Variants in SGCZ observed in about 807,000 individuals in gnomAD.
SGCZ encodes sarcoglycan zeta.
SGCZ carries 40 observed loss-of-function variants against 41.3 expected under a neutral mutation model. The ratio of observed to expected loss-of-function variants is 0.97; its 90% CI spans 0.75 to 1.26. The LOEUF is 1.26. Among genes scored for constraint, SGCZ ranks in the 50% most tolerant of loss-of-function variants. The pLI, the probability that SGCZ is intolerant of heterozygous loss-of-function variation, is 0.00. For missense variants in SGCZ, 552 were observed against 369.8 expected (o/e 1.49, Z -4.04); for synonymous variants, 206 against 137.5 (o/e 1.50, Z -3.49).
chr8:14,428,884 A>T (rs1799865144), intron 2 of SGCZ, among the ~76,000 whole-genome samples: 1 of 152,224 alleles, frequency 6.6e-6, no homozygotes, highest in Admixed American at 6.5e-5. Context: ...AATGTTTACA[A>T]AGCTCACAAC....
intron 1 of SGCZ, among the ~76,000 whole-genome samples, chr8:14,947,119 C>T (rs747080890): frequency 9.9e-5 from 15 of 152,148 alleles, no homozygotes; most frequent in Non-Finnish European, 1.9e-4. Flanking sequence ...TTTAATCCAA[C>T]TTTGAAAAGC....
chr8:14,316,812 GACACAC>G (rs55956388), intron 3 of SGCZ, among the ~76,000 whole-genome samples: 43,356 of 142,290 alleles, frequency 0.3, 6,549 homozygotes, highest in South Asian at 0.47. Context: ...ATTTATTATA[GACACAC>G]ACACACACAC....
chr8:14,830,035 C>T (rs768316342), intron 1 of SGCZ, among the ~76,000 whole-genome samples: 2 of 152,108 alleles, frequency 1.3e-5, no homozygotes, highest in Non-Finnish European at 2.9e-5. Flanking sequence ...GGGTCTCGAT[C>T]GCCTGACCTC....
chr8:15,161,231 C>T (rs76267920), intron 1 of SGCZ, among the ~76,000 whole-genome samples: 2 of 151,984 alleles, frequency 1.3e-5, no homozygotes, highest in African/African-American at 4.8e-5. Context: ...GGACTTTAAA[C>T]GCTCTCCCCC....
intron 1 of SGCZ, among the ~76,000 whole-genome samples, chr8:14,574,834 G>C (rs1160569158): frequency 6.6e-6 from 1 of 152,072 alleles, no homozygotes; most frequent in Non-Finnish European, 1.5e-5. Context: ...GAAAAAGCAA[G>C]AAAACAGGAA....
intron 1 of SGCZ, among the ~76,000 whole-genome samples, chr8:15,053,369 CCTGA>C (rs950860849): frequency 2.0e-4 from 30 of 152,072 alleles, no homozygotes; most frequent in African/African-American, 6.0e-4. Flanking sequence ...AGCCTTTCTG[CCTGA>C]CTTAGTTTCC....
At chr8:15,059,982 A>T (rs1804857961) in intron 1 of SGCZ, among the ~76,000 whole-genome samples, 1 of 152,190 alleles carries the variant, frequency 6.6e-6, no homozygotes, top group Non-Finnish European at 1.5e-5. Flanking sequence ...ACAGGAAATG[A>T]CAAGCATTCA....
chr8:14,197,048 G>A (rs1805288102), intron 4 of SGCZ, among the ~76,000 whole-genome samples: 1 of 152,030 alleles, frequency 6.6e-6, no homozygotes, highest in South Asian at 2.1e-4. Flanking sequence ...TTGCACAACT[G>A]TAAATTTGCT....
At chr8:14,624,229 A>G (rs6980571) in intron 1 of SGCZ, among the ~76,000 whole-genome samples, 168 of 152,224 alleles carry the variant, frequency 1.1e-3, no homozygotes, top group African/African-American at 3.8e-3. Flanking sequence ...TAACAAAGCC[A>G]AAATAAACTA....
At chr8:15,220,834 TA>T (rs1382216605) in intron 1 of SGCZ, among the ~76,000 whole-genome samples, 2 of 152,014 alleles carry the variant, frequency 1.3e-5, no homozygotes, top group Admixed American at 6.6e-5. Context: ...TATGCAGCCA[TA>T]AAAAAGGATG....
intron 1 of SGCZ, among the ~76,000 whole-genome samples, chr8:14,556,429 T>C (rs988938801): frequency 6.6e-6 from 1 of 150,494 alleles, no homozygotes; most frequent in African/African-American, 2.4e-5. Flanking sequence ...CTACTGTAGA[T>C]AAAATGTTGA....
intron 6 of SGCZ, among the ~76,000 whole-genome samples, chr8:14,105,141 T>C (rs1009689890): frequency 6.6e-6 from 1 of 152,092 alleles, no homozygotes; most frequent in African/African-American, 2.4e-5. Context: ...TTTTAAAATA[T>C]AGACTCCTAG....
At chr8:14,704,968 G>A (rs756540496) in intron 1 of SGCZ, among the ~76,000 whole-genome samples, 1 of 151,886 alleles carries the variant, frequency 6.6e-6, no homozygotes, top group Non-Finnish European at 1.5e-5. Flanking sequence ...TAAAAAGTCT[G>A]ATTACTTTTA....
intron 5 of SGCZ, among the ~76,000 whole-genome samples, chr8:14,147,564 G>A (rs1209150655): frequency 6.6e-6 from 1 of 152,054 alleles, no homozygotes; most frequent in South Asian, 2.1e-4. Flanking sequence ...CAAATATATA[G>A]AGGAAACATT....
intron 1 of SGCZ, among the ~76,000 whole-genome samples, chr8:14,919,496 G>A (rs1179880278): frequency 1.3e-5 from 2 of 152,110 alleles, no homozygotes; most frequent in Non-Finnish European, 2.9e-5. Flanking sequence ...GATACATATT[G>A]TTCTTTGCTC....
At chr8:14,285,938 G>A (rs1337907878) in intron 3 of SGCZ, among the ~76,000 whole-genome samples, 1 of 152,006 alleles carries the variant, frequency 6.6e-6, no homozygotes, top group Non-Finnish European at 1.5e-5. Flanking sequence ...ATTCGCTGTA[G>A]GAAACACATA....
chr8:14,964,949 G>A (rs532806123), intron 1 of SGCZ, among the ~76,000 whole-genome samples: 1 of 152,090 alleles, frequency 6.6e-6, no homozygotes, highest in Non-Finnish European at 1.5e-5. Context: ...CACTCAACTC[G>A]CTTGTGGGAG....
intron 1 of SGCZ, among the ~76,000 whole-genome samples, chr8:14,793,156 A>T (rs1354527130): frequency 6.6e-6 from 1 of 152,148 alleles, no homozygotes; most frequent in East Asian, 1.9e-4. Context: ...TTCCTTCCCA[A>T]TATTTGTCAC....
intron 5 of SGCZ, among the ~76,000 whole-genome samples, chr8:14,153,633 T>C (rs1803781782): frequency 6.6e-6 from 1 of 152,102 alleles, no homozygotes; most frequent in Admixed American, 6.5e-5. Flanking sequence ...CAGTCTTCCA[T>C]TGTTTGGAAT....
Sources: allele counts gnomAD v4.1 joint callset (sites outside exome capture counted in the v4.1 genomes callset), GRCh38; gene constraint gnomAD v4.1.1; transcripts MANE v1.5; gene names NCBI Gene and HGNC (gene_info 2026-07-23, HGNC 2026-07-21).